The following TMEM38A variants were observed in gnomAD, a reference collection of about 807,000 sequenced individuals.
TMEM38A encodes trimeric intracellular cation channel type A.
A neutral mutation model predicts 28.6 loss-of-function variants in TMEM38A; 17 were observed. The ratio of observed to expected loss-of-function variants is 0.60; its 90% CI spans 0.41 to 0.89. TMEM38A has a LOEUF of 0.89. Ranked by LOEUF, TMEM38A falls within the 40% of genes least tolerant of loss-of-function variation. The pLI is 0.00. For missense variants in TMEM38A, 328 were observed against 393.1 expected (o/e 0.83, Z 1.40); for synonymous variants, 169 against 166.1 (o/e 1.02, Z -0.14).
At chr19:16,685,387 T>C (rs2086797806) in intron 4 of TMEM38A, among the ~76,000 whole-genome samples, 1 of 151,922 alleles carries the variant, frequency 6.6e-6, no homozygotes, top group African/African-American at 2.4e-5. Flanking sequence ...CTCTGACTCA[T>C]ACACAAACAA....
chr19:16,668,413 C>T (rs1034427301), intron 1 of TMEM38A, among the ~76,000 whole-genome samples: 17 of 149,412 alleles, frequency 1.1e-4, no homozygotes, highest in African/African-American at 4.2e-4. Flanking sequence ...GGCATGGTGG[C>T]GCAAGCCTGT....
At position 16,661,941 on chromosome 19, in the gene TMEM38A, C is replaced by T. The variant is rs563797948; in HGVS notation, c.124+600C>T. Among the ~76,000 whole-genome samples, 36 of 152,204 alleles carry T rather than the reference C, an allele frequency of 2.4e-4. No homozygotes were observed. The highest frequency in any genetic ancestry group is 6.2e-4 in the South Asian group (3 of 4,822). ...CCTGGCTCCAGATCCTTTCCACTTA[C>T]GGAGCAGAACCGGCCCCAAGGCTGG... On this transcript the variant is annotated intron_variant, in intron 1 of 5. Coordinates refer to ENST00000187762, the MANE Select transcript of TMEM38A (RefSeq NM_024074.4). The surrounding 1 kb of genome is among the most constrained non-coding windows in gnomAD (Gnocchi z 6.5).
Position 16,679,383 on chromosome 19 carries a change from C to G in TMEM38A, c.125-601C>G, listed in dbSNP as rs186523065. Reference sequence around the variant, plus strand: ...TGCAATCTCAGCTCACTGCAGCCTCCACCTCCTGAGTTCAAGTGATTCTCC... The same window carrying G: ...TGCAATCTCAGCTCACTGCAGCCTCGACCTCCTGAGTTCAAGTGATTCTCC... On this transcript the variant is annotated intron_variant, in intron 1 of 5. Coordinates refer to ENST00000187762, the MANE Select transcript of TMEM38A (RefSeq NM_024074.4). 4.6e-4 allele frequency among the ~76,000 whole-genome samples: 70 copies of G among 151,668 alleles called. 1 individual carries two copies. The East Asian group carries it at 0.011, about 25-fold the overall frequency.
Position 16,676,104 on chromosome 19 carries a change from T to A in TMEM38A, c.125-3880T>A, listed in dbSNP as rs2086749943. Among the ~76,000 whole-genome samples, 4 of 133,478 alleles carry A rather than the reference T, an allele frequency of 3.0e-5. 1 individual carries two copies. Among genetic ancestry groups the A allele is most frequent in the African/African-American group, 1.6e-4 (4 of 25,118 alleles). The allele number at this position is 133,478 out of a possible 152,430, so 87.6% of individuals were successfully genotyped here. On this transcript the variant is annotated intron_variant, in intron 1 of 5. Coordinates refer to ENST00000187762, the MANE Select transcript of TMEM38A (RefSeq NM_024074.4). ...GGCCGGGCGCGGTGGCTCACACCTGTAATCCCAGCACTTTGTGAGGCCGAG... is the reference window on the plus strand; with the variant it reads ...GGCCGGGCGCGGTGGCTCACACCTGAAATCCCAGCACTTTGTGAGGCCGAG...
chr19:16,667,554 G>C (rs916898270), intron 1 of TMEM38A, among the ~76,000 whole-genome samples: 1 of 151,942 alleles, frequency 6.6e-6, no homozygotes, highest in African/African-American at 2.4e-5. Context: ...CTCACCTAGG[G>C]AGATTTTAAA....
intron 1 of TMEM38A, among the ~76,000 whole-genome samples, chr19:16,672,965 A>G (rs576037276): frequency 3.9e-5 from 6 of 152,332 alleles, no homozygotes; most frequent in South Asian, 4.1e-4. Context: ...TTAACATGCT[A>G]TAATGCACAG....
intron 4 of TMEM38A, among the ~76,000 whole-genome samples, chr19:16,683,397 T>C (rs1312851325): frequency 2.0e-5 from 3 of 151,778 alleles, no homozygotes; most frequent in African/African-American, 7.3e-5. Context: ...AAGACAAGAC[T>C]GGGCAACATA....
At chr19:16,672,299 G>A (rs2086730872) in intron 1 of TMEM38A, among the ~76,000 whole-genome samples, 1 of 152,004 alleles carries the variant, frequency 6.6e-6, no homozygotes, top group African/African-American at 2.4e-5. Flanking sequence ...AGGGGCAAGT[G>A]TATTGATTAC....
At chr19:16,662,737 C>A (rs145082862) in intron 1 of TMEM38A, among the ~76,000 whole-genome samples, 1 of 151,598 alleles carries the variant, frequency 6.6e-6, no homozygotes, top group Admixed American at 6.6e-5. Context: ...CAGACGTGAG[C>A]CACTGCACCC....
chr19:16,673,634 G>C (rs1157947321), intron 1 of TMEM38A, among the ~76,000 whole-genome samples: 1 of 152,136 alleles, frequency 6.6e-6, no homozygotes, highest in African/African-American at 2.4e-5. Flanking sequence ...CCACTGATGC[G>C]CTCACCTGGA....
intron 1 of TMEM38A, among the ~76,000 whole-genome samples, chr19:16,665,163 A>G (rs1404799103): frequency 6.6e-6 from 1 of 152,044 alleles, no homozygotes; most frequent in African/African-American, 2.4e-5. Context: ...ACGTGGTGGC[A>G]CATGCCTGTA....
In TMEM38A at chr19:16,680,016, G is replaced by A. The variant is rs754451980; in HGVS notation, c.157G>A (p.Ala53Thr). ...AVELSRRHPI[A>T]SWLCAMLHCF... ...CGAACTGTCCCGGCGCCACCCCATCGCGTCCTGGCTGTGCGCCATGCTGCA... is the reference window on the plus strand; with the variant it reads ...CGAACTGTCCCGGCGCCACCCCATCACGTCCTGGCTGTGCGCCATGCTGCA... The change falls in exon 2 of 6, where the codon GCG becomes ACG. Residue 53 changes from alanine (A) to threonine (T), a missense_variant. Coordinates refer to ENST00000187762, the MANE Select transcript of TMEM38A (RefSeq NM_024074.4). The A allele has an allele frequency of 1.1e-5, 18 of 1,609,426 alleles. No homozygotes were observed. Among genetic ancestry groups the A allele is most frequent in the Middle Eastern group, 1.6e-4 (1 of 6,080 alleles).
chr19:16,669,199 T>C (rs1014422450), intron 1 of TMEM38A, among the ~76,000 whole-genome samples: 2 of 151,480 alleles, frequency 1.3e-5, no homozygotes, highest in Non-Finnish European at 2.9e-5. Context: ...ACATCTTGGT[T>C]GCAGTTTTAA....
intron 1 of TMEM38A, among the ~76,000 whole-genome samples, chr19:16,672,440 A>G (rs996740894): frequency 1.3e-4 from 17 of 132,198 alleles, no homozygotes; most frequent in Admixed American, 5.8e-4. Context: ...ATCACAAAAA[A>G]ACCTCATTTT....
rs1317572961 is a variant in TMEM38A at position 16,669,210 on chromosome 19, CTT to C, written c.124+7885_124+7886del. On this transcript the variant is annotated intron_variant, in intron 1 of 5. Coordinates refer to ENST00000187762, the MANE Select transcript of TMEM38A (RefSeq NM_024074.4). ...CAGGACATCTTGGTTGCAGTTTTAA[CTT>C]TTTTTTTTTTTTTTTGAGACGGAGT... Among the ~76,000 whole-genome samples, 51 of 136,762 alleles carry C rather than the reference CTT, an allele frequency of 3.7e-4. No homozygotes were observed. In the South Asian group the frequency reaches 6.7e-3, roughly 18 times the overall value. The allele number at this position is 136,762 out of a possible 152,430, so 89.7% of individuals were successfully genotyped here. A position where few individuals can be genotyped will look rare whatever the true frequency, so the allele number is the denominator to read the frequency against.
chr19:16,680,204 G>T, intron 2 of TMEM38A, 64 bp downstream of exon 2: 1 of 1,579,112 alleles, frequency 6.3e-7, no homozygotes. Flanking sequence ...GGGCACCAGG[G>T]AGGAGAGAGG....
chr19:16,680,733 G>A lies in TMEM38A; in HGVS notation c.466+152G>A, dbSNP rs150693112. The A allele has an allele frequency of 1.2e-3, 768 of 663,108 alleles. 3 individuals carry two copies. The African/African-American group carries it at 0.012, about 11-fold the overall frequency. The allele number at this position is 663,108 out of a possible 1,614,324, so 41.1% of individuals were successfully genotyped here. ...TCAAACCTCCCTACAGGTATCAGCC[G>A]ATACCTTTAGGGTAAATGGGAAGAT... On this transcript the variant is annotated intron_variant, in intron 3 of 5. Coordinates refer to ENST00000187762, the MANE Select transcript of TMEM38A (RefSeq NM_024074.4).
intron 1 of TMEM38A, among the ~76,000 whole-genome samples, chr19:16,666,065 C>T (rs2086701789): frequency 6.6e-6 from 1 of 152,004 alleles, no homozygotes; most frequent in Admixed American, 6.6e-5. Context: ...ACTGCAACCT[C>T]CACCTGCCGG....
At chr19:16,685,075 T>TAAATAAATAAAA (rs2086796394) in intron 4 of TMEM38A, among the ~76,000 whole-genome samples, 1 of 148,698 alleles carries the variant, frequency 6.7e-6, no homozygotes, top group Non-Finnish European at 1.5e-5. Context: ...AATAAATAAA[T>TAAATAAATAAAA]AAATAAATAA....
Sources: gnomAD v4.1 joint callset for allele counts (sites outside exome capture counted in the v4.1 genomes callset) on GRCh38, gnomAD v4.1.1 for gene constraint, Gnocchi (gnomAD v3.1) non-coding constraint, MANE v1.5 for transcripts, NCBI Gene and HGNC (gene_info 2026-07-23, HGNC 2026-07-21) for gene names.